Variants in ST8SIA5 observed in about 807,000 individuals in gnomAD.
ST8SIA5 encodes ST8 alpha-N-acetyl-neuraminide alpha-2,8-sialyltransferase 5.
A neutral mutation model predicts 40.2 loss-of-function variants in ST8SIA5; 24 were observed. The ratio of observed to expected loss-of-function variants is 0.60; its 90% confidence interval spans 0.43 to 0.84. The LOEUF (loss-of-function observed/expected upper bound fraction) is 0.84. ST8SIA5 is among the 40% of genes least tolerant of loss of function. ST8SIA5 has a pLI of 0.00. For missense variants in ST8SIA5, 465 were observed against 498.5 expected (o/e 0.93, Z 0.64); for synonymous variants, 198 against 201.8 (o/e 0.98, Z 0.16).
At chr18:46,688,617 G>A (rs1448628269) in intron 4 of ST8SIA5, among the ~76,000 whole-genome samples, 158 bp downstream of exon 4, 1 of 152,198 alleles carries the variant, frequency 6.6e-6, no homozygotes, top group Non-Finnish European at 1.5e-5. Flanking sequence ...CCAGAGGGTG[G>A]GCTTCTGCAC....
Position 46,686,227 on chromosome 18 carries a change from G to A in ST8SIA5, c.516C>T (p.Ile172=). 1 of 1,614,194 alleles carries A rather than the reference G, an allele frequency of 6.2e-7. No individual in the cohort carries two copies. Among genetic ancestry groups the A allele is most frequent in the Non-Finnish European group, 8.5e-7 (1 of 1,180,044 alleles). ...CCCTCCCGCAGCGGCTGTTCTTCAA[G>A]ATGCCTCCGTTGCCCACTACAGCAC... ...KKCAVVGNGG[I]LKNSRCGREI... Residue 172 remains isoleucine, a synonymous_variant, in exon 5 of 7, where the codon ATC becomes ATT. Coordinates refer to ENST00000315087, the MANE Select transcript of ST8SIA5 (RefSeq NM_013305.6).
intron 2 of ST8SIA5, among the ~76,000 whole-genome samples, chr18:46,700,451 C>T (rs1221475510): frequency 2.0e-5 from 3 of 152,184 alleles, no homozygotes; most frequent in Non-Finnish European, 4.4e-5. Context: ...GGCTGGAGCA[C>T]AGTGAAGCCC....
chr18:46,711,634 C>A (rs887412609), intron 1 of ST8SIA5, among the ~76,000 whole-genome samples: 1 of 152,210 alleles, frequency 6.6e-6, no homozygotes, highest in African/African-American at 2.4e-5. Context: ...GCACACGACC[C>A]GTCACAGCAA....
At chr18:46,752,047 T>C (rs1354138908) in intron 1 of ST8SIA5, among the ~76,000 whole-genome samples, 5 of 152,132 alleles carry the variant, frequency 3.3e-5, no homozygotes, top group Non-Finnish European at 7.4e-5. Context: ...CCTGCCTGCC[T>C]CACTCTGTCC....
At chr18:46,705,331 C>T (rs1324739409) in intron 1 of ST8SIA5, among the ~76,000 whole-genome samples, 2 of 152,228 alleles carry the variant, frequency 1.3e-5, no homozygotes, top group Non-Finnish European at 2.9e-5. Flanking sequence ...GTCCCTCTGC[C>T]AGCTTCATGC....
chr18:46,701,957 T>C (rs2039621395), intron 2 of ST8SIA5, among the ~76,000 whole-genome samples: 1 of 151,946 alleles, frequency 6.6e-6, no homozygotes. Flanking sequence ...ACCAGCCTGA[T>C]CAAGATGATG....
rs2039652071 is a variant in ST8SIA5, at chr18:46,704,634, T to C, written c.162A>G (p.Glu54=). The change falls in exon 2 of 7, where the codon GAA becomes GAG. Residue 54 remains glutamate (E), a synonymous_variant. Coordinates refer to ENST00000315087, the MANE Select transcript of ST8SIA5 (RefSeq NM_013305.6). ...RYFEFYEGPF[E]YNSTRCLELR... ...GCTCCAGGCATCTTGTGGAGTTATA[T>C]TCAAAAGGCCCCTCATAAAATTCAA... 2 of 1,613,958 alleles carry C rather than the reference T, an allele frequency of 1.2e-6. No homozygotes were observed. Among genetic ancestry groups the C allele is most frequent in the Admixed American group, 3.3e-5 (2 of 59,992 alleles).
chr18:46,743,433 G>A (rs941890930), intron 1 of ST8SIA5, among the ~76,000 whole-genome samples: 2 of 152,186 alleles, frequency 1.3e-5, no homozygotes, highest in Admixed American at 6.5e-5. Flanking sequence ...AGCTTCAATA[G>A]CCGATTCGAT....
chr18:46,684,033 C>T (rs2039422962), intron 5 of ST8SIA5, among the ~76,000 whole-genome samples: 1 of 151,900 alleles, frequency 6.6e-6, no homozygotes, highest in Admixed American at 6.6e-5. Context: ...GGCATCTTGG[C>T]GTGCACATAC....
intron 2 of ST8SIA5, among the ~76,000 whole-genome samples, chr18:46,704,001 T>C (rs998410771): frequency 6.6e-6 from 1 of 152,144 alleles, no homozygotes; most frequent in Non-Finnish European, 1.5e-5. Flanking sequence ...AAAAACTTTT[T>C]AAATCTCCAT....
intron 1 of ST8SIA5, 50 bp from the exon 2 acceptor site, chr18:46,704,714 A>G: frequency 6.9e-7 from 1 of 1,442,574 alleles, no homozygotes; most frequent in Non-Finnish European, 9.8e-7. Flanking sequence ...CAGGATGTCC[A>G]GGGCCTGCAG....
chr18:46,705,797 G>A (rs905831670), intron 1 of ST8SIA5, among the ~76,000 whole-genome samples: 5 of 152,252 alleles, frequency 3.3e-5, no homozygotes, highest in Non-Finnish European at 7.3e-5. Context: ...CATGGGATCA[G>A]TGGCCTGGCA....
chr18:46,686,004 TC>T, intron 5 of ST8SIA5, 169 bp downstream of exon 5: 1 of 644,220 alleles, frequency 1.6e-6, no homozygotes, highest in Non-Finnish European at 2.7e-6. Flanking sequence ...TTCAACGACT[TC>T]CCCAAAGGGA....
chr18:46,674,057 C>G lies in ST8SIA5; in HGVS notation c.*5985G>C, dbSNP rs1041676621. On this transcript the variant is annotated 3_prime_UTR_variant, in exon 7 of 7. Coordinates refer to ENST00000315087, the MANE Select transcript of ST8SIA5 (RefSeq NM_013305.6). ...TCTGGAGCAGACATCCTGCAAAGCT[C>G]AGCTCACCTGTTTCCCAGCCAAAGC... 4 of 152,202 alleles carry G rather than the reference C, an allele frequency of 2.6e-5. No individual in the cohort carries two copies. The highest frequency in any genetic ancestry group is 4.4e-5 in the Non-Finnish European group (3 of 68,060). 9.4% of individuals were successfully genotyped at this position (152,202 alleles called of 1,614,324 possible). A position where few individuals can be genotyped will look rare whatever the true frequency, so the allele number is the denominator to read the frequency against.
chr18:46,739,957 G>A (rs1019061502), intron 1 of ST8SIA5, among the ~76,000 whole-genome samples: 2 of 152,116 alleles, frequency 1.3e-5, no homozygotes, highest in Non-Finnish European at 2.9e-5. Context: ...GTCCACTGAG[G>A]CTTTCTCTGG....
Position 46,670,440 on chromosome 18 carries a change from T to A in ST8SIA5, c.*9602A>T, listed in dbSNP as rs891249263. 4 of 152,072 alleles carry A rather than the reference T, an allele frequency of 2.6e-5. No individual in the cohort carries two copies. Among genetic ancestry groups the A allele is most frequent in the African/African-American group, 9.7e-5 (4 of 41,384 alleles). 9.4% of individuals were successfully genotyped at this position (152,072 alleles called of 1,614,324 possible). A position where few individuals can be genotyped will look rare whatever the true frequency, so the allele number is the denominator to read the frequency against. ...GATGGTTCCTGAGATATGTATTTAG[T>A]TTTGGTCTTTTTTAATTATTATTTT... On this transcript the variant is annotated 3_prime_UTR_variant, in exon 7 of 7. Transcript: ENST00000315087.
At chr18:46,685,513 G>T (rs929866769) in intron 5 of ST8SIA5, among the ~76,000 whole-genome samples, 8 of 152,124 alleles carry the variant, frequency 5.3e-5, no homozygotes, top group African/African-American at 1.9e-4. Flanking sequence ...CCCGAAATAT[G>T]CAGGAGTCCC....
intron 1 of ST8SIA5, among the ~76,000 whole-genome samples, chr18:46,739,536 A>G (rs182787887): frequency 1.3e-5 from 2 of 152,314 alleles, no homozygotes; most frequent in Admixed American, 6.5e-5. Flanking sequence ...TCCACCTCGA[A>G]AAAAATAGAT....
At chr18:46,692,072 C>T (rs985276660) in intron 3 of ST8SIA5, 97 bp downstream of exon 3, 29 of 1,331,056 alleles carry the variant, frequency 2.2e-5, no homozygotes, top group Admixed American at 3.4e-5. Flanking sequence ...GGAAGATGCA[C>T]GCTGAGAGCT....
Sources: allele counts gnomAD v4.1 joint callset (sites outside exome capture counted in the v4.1 genomes callset), GRCh38; gene constraint gnomAD v4.1.1; transcripts MANE v1.5; gene names NCBI Gene and HGNC (gene_info 2026-07-23, HGNC 2026-07-21).